PCDHGA3: variants seen among roughly 807,000 people sequenced by gnomAD.
The protein encoded by PCDHGA3 is protocadherin gamma subfamily A, 3, also known as protocadherin gamma-A3.
PCDHGA3 carries 40 observed loss-of-function variants against 58.5 expected under a neutral mutation model. The ratio of observed to expected loss-of-function variants is 0.68; its 90% confidence interval spans 0.53 to 0.89. The LOEUF (loss-of-function observed/expected upper bound fraction) is 0.89. PCDHGA3 is among the 40% of genes least tolerant of loss of function. PCDHGA3 has a pLI of 0.00. For missense variants in PCDHGA3, 1,223 were observed against 1,195.9 expected, an observed-to-expected ratio of 1.02 and a Z score of -0.33; for synonymous variants, 530 against 525.7, an observed-to-expected ratio of 1.01 and a Z score of -0.11.
intron 1 of PCDHGA3, chr5:141,468,682 C>A (rs377685711): frequency 4.6e-5 from 7 of 151,296 alleles, no homozygotes; most frequent in African/African-American, 1.7e-4. Context: ...CTGGCTAACA[C>A]GGTGAAACCC....
rs150858414 is a variant in PCDHGA3, at chr5:141,363,022, A to G, written c.2424+16565A>G. ...GTTAATCACAGGGCATGGGTAGGACATTGTCCCATTGACTTGAAGACCAAC... is the reference window on the plus strand; with the variant it reads ...GTTAATCACAGGGCATGGGTAGGACGTTGTCCCATTGACTTGAAGACCAAC... On this transcript the variant is annotated intron_variant, in intron 1 of 3. Coordinates refer to ENST00000253812, the MANE Select transcript of PCDHGA3 (RefSeq NM_018916.4). Among the ~76,000 whole-genome samples the G allele has an allele frequency of 4.1e-3, 621 of 152,372 alleles. 7 individuals are homozygous for G. Among genetic ancestry groups the G allele is most frequent in the South Asian group, 0.03 (143 of 4,830 alleles).
At chr5:141,423,066 C>T (rs1375575018) in intron 1 of PCDHGA3, 2 of 1,614,002 alleles carry the variant, frequency 1.2e-6, no homozygotes, top group South Asian at 1.1e-5. Context: ...TTAAGGCCAG[C>T]GAGCCGGGAC....
rs548074156 is a variant in PCDHGA3 at position 141,511,069 on chromosome 5, G to A, written c.2695G>A (p.Gly899Ser). The A allele has an allele frequency of 6.2e-7, 1 of 1,614,230 alleles. No individual in the cohort carries two copies. Among genetic ancestry groups the A allele is most frequent in the Non-Finnish European group, 8.5e-7 (1 of 1,180,034 alleles). ...CTACCGCCAGAATGTCTACATCCCA[G>A]GCAGCAATGCCACACTGACCAACGC... ...PDYRQNVYIP[G>S]SNATLTNAAG... The change falls in exon 4 of 4, where the codon GGC becomes AGC. Residue 899 changes from glycine (G) to serine (S), a missense_variant. Physicochemically the swap from Gly to Ser is moderately conservative, Grantham distance 56 (BLOSUM62 0). Transcript: ENST00000253812.
At chr5:141,416,115 A>G (rs2095995433) in intron 1 of PCDHGA3, 2 of 155,406 alleles carry the variant, frequency 1.3e-5, no homozygotes, top group East Asian at 1.9e-4. Context: ...TTCAAACTAC[A>G]TTTTATATAT....
intron 2 of PCDHGA3, among the ~76,000 whole-genome samples, chr5:141,503,010 A>T (rs1595838084): frequency 6.8e-6 from 1 of 146,772 alleles, no homozygotes; most frequent in East Asian, 2.0e-4. Context: ...TGCCCGGTTA[A>T]TTTTTTTTTT....
chr5:141,365,759 C>T (rs376978243), intron 1 of PCDHGA3: 1 of 1,613,860 alleles, frequency 6.2e-7, no homozygotes, highest in South Asian at 1.1e-5. Flanking sequence ...TGTGACAGCC[C>T]ATGACCCCGA....
At position 141,364,458 on chromosome 5, in the gene PCDHGA3, C is replaced by G; in HGVS notation, c.2424+18001C>G. 6.2e-7 allele frequency: 1 copy of G among 1,614,028 alleles called. No homozygotes were observed. ...ATGCCGGAGGAGCTGGACAAAGGCT[C>G]CTTCGTCGGCAACATAGCCAAGGAC... On this transcript the variant is annotated intron_variant, in intron 1 of 3. Coordinates refer to ENST00000253812, the MANE Select transcript of PCDHGA3 (RefSeq NM_018916.4).
At chr5:141,474,087 A>C (rs1483673747) in intron 1 of PCDHGA3, among the ~76,000 whole-genome samples, 4 of 152,198 alleles carry the variant, frequency 2.6e-5, no homozygotes, top group South Asian at 2.1e-4. Context: ...AAAACCAAAA[A>C]ACAAACAACA....
intron 1 of PCDHGA3, chr5:141,423,386 G>T: frequency 6.2e-7 from 1 of 1,614,160 alleles, no homozygotes; most frequent in Middle Eastern, 1.7e-4. Flanking sequence ...CTGTGGCGCT[G>T]GCATAAGTCA....
intron 1 of PCDHGA3, chr5:141,413,167 C>G: frequency 6.3e-7 from 1 of 1,590,828 alleles, no homozygotes; most frequent in Non-Finnish European, 8.6e-7. Context: ...ATTCTGTAAC[C>G]AGACTACAAT....
rs778209794 is a variant in PCDHGA3 at position 141,408,298 on chromosome 5, G to C, written c.2424+61841G>C. The C allele has an allele frequency of 4.3e-6, 7 of 1,613,586 alleles. No homozygotes were observed. The Admixed American group carries it at 5.0e-5, about 12-fold the overall frequency. ...TGTTCTACCCCACCCTGAGTGAGCCGATCCGCTACTCGATTCCGGAGGAGC... is the reference window on the plus strand; with the variant it reads ...TGTTCTACCCCACCCTGAGTGAGCCCATCCGCTACTCGATTCCGGAGGAGC... On this transcript the variant is annotated intron_variant, in intron 1 of 3. Coordinates refer to ENST00000253812, the MANE Select transcript of PCDHGA3 (RefSeq NM_018916.4).
intron 1 of PCDHGA3, among the ~76,000 whole-genome samples, chr5:141,401,643 A>G (rs973841801): frequency 6.6e-6 from 1 of 152,262 alleles, no homozygotes; most frequent in African/African-American, 2.4e-5. Context: ...AGCTTTAAAT[A>G]TAAATGACTG....
At chr5:141,392,763 A>G in intron 1 of PCDHGA3, 4 of 1,480,256 alleles carry the variant, frequency 2.7e-6, no homozygotes, top group Non-Finnish European at 3.6e-6. Context: ...ACTAAATAAG[A>G]CCCATTTATG....
At chr5:141,362,623 C>T in intron 1 of PCDHGA3, 1 of 1,521,620 alleles carries the variant, frequency 6.6e-7, no homozygotes, top group Non-Finnish European at 8.8e-7. Flanking sequence ...TAGGAAGTTC[C>T]ACTGCGTATT....
In PCDHGA3 at chr5:141,432,635, G is replaced by T. The variant is rs754354737; in HGVS notation, c.2425-62172G>T. 8.7e-6 allele frequency: 14 copies of T among 1,613,004 alleles called. No individual in the cohort carries two copies. The South Asian group carries it at 1.4e-4, about 16-fold the overall frequency. On this transcript the variant is annotated intron_variant, in intron 1 of 3. Transcript: ENST00000253812. This position sits in a 1 kb window ranked among gnomAD's most constrained non-coding sequence, Gnocchi z 6.0. ...CTCGGTGGGTCTGCACACGGGCGAGGTGCGCACGGCGCGAGCCCTGCTGGA... is the reference window on the plus strand; with the variant it reads ...CTCGGTGGGTCTGCACACGGGCGAGTTGCGCACGGCGCGAGCCCTGCTGGA...
intron 1 of PCDHGA3, among the ~76,000 whole-genome samples, chr5:141,467,414 C>A (rs1410743140): frequency 6.6e-5 from 10 of 152,168 alleles, no homozygotes; most frequent in African/African-American, 1.2e-4. Flanking sequence ...CCTTTCCCCA[C>A]ACCTAGGTTA....
At chr5:141,383,729 TGA>T (rs1406908014) in intron 1 of PCDHGA3, 3 of 1,613,866 alleles carry the variant, frequency 1.9e-6, no homozygotes, top group Non-Finnish European at 2.5e-6. Flanking sequence ...AATGGGGAAG[TGA>T]CATATTCTTT....
chr5:141,350,781 ACTTCT>A lies in PCDHGA3; in HGVS notation c.2424+4327_2424+4331del, dbSNP rs1758558440. On this transcript the variant is annotated intron_variant, in intron 1 of 3. Coordinates refer to ENST00000253812, the MANE Select transcript of PCDHGA3 (RefSeq NM_018916.4). ...TTATACACCATCAACCCCAATCAAT[ACTTCT>A]CTCTGTCAACGAAGGAAAGTCCTGA... is the stretch of plus-strand genomic sequence containing the variant. The A allele has an allele frequency of 4.3e-6, 7 of 1,613,952 alleles. No homozygotes were observed. In the East Asian group the frequency reaches 1.6e-4, roughly 36 times the overall value.
intron 1 of PCDHGA3, chr5:141,408,445 C>T (rs759314379): frequency 2.5e-6 from 4 of 1,613,846 alleles, no homozygotes; most frequent in Admixed American, 1.7e-5. Flanking sequence ...ACGCGGAGAG[C>T]GGGGACTTAC....
Sources: allele counts gnomAD v4.1 joint callset (sites outside exome capture counted in the v4.1 genomes callset), GRCh38; gene constraint gnomAD v4.1.1; non-coding constraint Gnocchi (gnomAD v3.1); transcripts MANE v1.5; gene names NCBI Gene and HGNC (gene_info 2026-07-23, HGNC 2026-07-21).